Variants in CNBD2 observed in about 807,000 individuals in gnomAD.
CNBD2 encodes cyclic nucleotide binding domain containing 2, also known as cyclic nucleotide-binding domain-containing protein 2.
Under a neutral mutation model 63.7 loss-of-function variants are expected in CNBD2, and 64 were observed. That is an observed-to-expected ratio of 1.00 (90% confidence interval 0.82 to 1.24). The LOEUF is 1.24. CNBD2 is among the 50% of genes most tolerant of loss of function. CNBD2 has a pLI of 0.00. For missense variants in CNBD2, 691 were observed against 713.5 expected, an observed-to-expected ratio of 0.97 and a Z score of 0.36; for synonymous variants, 229 against 255.4, an observed-to-expected ratio of 0.90 and a Z score of 0.99.
intron 3 of CNBD2, 151 bp from the exon 4 acceptor site, chr20:35,980,307 TC>T: frequency 1.5e-6 from 1 of 663,792 alleles, no homozygotes; most frequent in African/African-American, 1.8e-5. Context: ...AAAATGTTTA[TC>T]CCAGTGCCTG....
chr20:35,976,028 G>A, intron 3 of CNBD2, 26 bp downstream of exon 3: 1 of 1,592,994 alleles, frequency 6.3e-7, no homozygotes, highest in Non-Finnish European at 8.6e-7. Context: ...AACTTGCTGT[G>A]GGGGAATTTT....
chr20:36,022,195 C>CTTTTTTTTTTTTTTTTT (rs753206662), intron 10 of CNBD2, among the ~76,000 whole-genome samples: 2 of 56,264 alleles, frequency 3.6e-5, no homozygotes, highest in Non-Finnish European at 6.6e-5. Context: ...TTTTTTTTTT[C>CTTTTTTTTTTTTTTTTT]TTTTTTTTTT....
chr20:35,957,152 C>G (rs544467133), downstream of CNBD2, among the ~76,000 whole-genome samples: 18 of 152,090 alleles, frequency 1.2e-4, no homozygotes, highest in Non-Finnish European at 2.5e-4. Context: ...CCTGAGAGAT[C>G]TATTAGAATC....
Position 35,971,216 on chromosome 20 carries a change from G to T in CNBD2, c.52-1413G>T, listed in dbSNP as rs184378254. Among the ~76,000 whole-genome samples, 899 of 152,152 alleles carry T rather than the reference G, an allele frequency of 5.9e-3. 11 individuals are homozygous for T. The highest frequency in any genetic ancestry group is 0.021 in the African/African-American group (854 of 41,516). ...CCCGCCTCGGCCTCCCAAAGTGCTGGGTTTACAGGCATGAGCCACCGGGCC... is the reference window on the plus strand; with the variant it reads ...CCCGCCTCGGCCTCCCAAAGTGCTGTGTTTACAGGCATGAGCCACCGGGCC... On this transcript the variant is annotated intron_variant, in intron 1 of 11. Transcript: ENST00000373973.
intron 2 of CNBD2, among the ~76,000 whole-genome samples, chr20:35,975,469 T>TG (rs2056500381): frequency 2.5e-5 from 3 of 120,620 alleles, no homozygotes; most frequent in East Asian, 4.5e-4. Flanking sequence ...CCCGGCTAAT[T>TG]TTTTGTATTT....
At chr20:36,011,290 G>T in intron 10 of CNBD2, 33 bp downstream of exon 10, 1 of 1,476,222 alleles carries the variant, frequency 6.8e-7, no homozygotes, top group Non-Finnish European at 9.0e-7. Flanking sequence ...TCACCATGGA[G>T]TACGTAACAT....
intron 10 of CNBD2, among the ~76,000 whole-genome samples, chr20:36,022,200 T>TCTTTTTTC (rs199719458): frequency 3.7e-4 from 39 of 106,386 alleles, no homozygotes; most frequent in East Asian, 5.3e-4. Context: ...TTTTTCTTTT[T>TCTTTTTTC]TTTTTTTTTT....
chr20:35,980,747 T>C (rs935157100), intron 4 of CNBD2, 125 bp downstream of exon 4: 2 of 838,844 alleles, frequency 2.4e-6, no homozygotes, highest in East Asian at 2.6e-5. Context: ...TGAAGTCTTC[T>C]GTCCATTCAC....
At chr20:36,009,858 T>C (rs889737482) in intron 9 of CNBD2, among the ~76,000 whole-genome samples, 1 of 152,144 alleles carries the variant, frequency 6.6e-6, no homozygotes, top group Admixed American at 6.5e-5. Flanking sequence ...CCCTTTTCTG[T>C]GCCCAGTACT....
intron 7 of CNBD2, among the ~76,000 whole-genome samples, chr20:35,990,311 G>T (rs2056727947): frequency 6.6e-6 from 1 of 152,184 alleles, no homozygotes; most frequent in African/African-American, 2.4e-5. Context: ...ACTGCAAAGA[G>T]AATGAAATCG....
intron 6 of CNBD2, among the ~76,000 whole-genome samples, 168 bp downstream of exon 6, chr20:35,984,946 C>A (rs1360170316): frequency 6.6e-6 from 1 of 152,060 alleles, no homozygotes; most frequent in East Asian, 1.9e-4. Context: ...CTCCTACTAT[C>A]CCTTCGGGTC....
rs1306471073 is a variant in CNBD2, at chr20:35,987,548, G to A, written c.855+15G>A. 2 of 1,613,960 alleles carry A rather than the reference G, an allele frequency of 1.2e-6. No homozygotes were observed. The highest frequency in any genetic ancestry group is 3.3e-5 in the Admixed American group (2 of 60,000). The stretch of plus-strand genomic sequence containing the variant: ...TTATCAGCAAGGTGAAAAGTCTGGG[G>A]GTTGGGATGAGGGTGAACCTCTGAG... On this transcript the variant is annotated intron_variant, in intron 7 of 11. Coordinates refer to ENST00000373973, the MANE Select transcript of CNBD2 (RefSeq NM_001365709.1).
chr20:35,987,549 G>T lies in CNBD2; in HGVS notation c.855+16G>T, dbSNP rs749344185. 5.0e-6 allele frequency: 8 copies of T among 1,613,940 alleles called. 1 individual carries two copies. The highest frequency in any genetic ancestry group is 4.4e-5 in the South Asian group (4 of 91,028). On this transcript the variant is annotated intron_variant, in intron 7 of 11. Transcript: ENST00000373973. ...TATCAGCAAGGTGAAAAGTCTGGGG[G>T]TTGGGATGAGGGTGAACCTCTGAGG...
chr20:36,029,831 G>A (rs1189058526), intron 11 of CNBD2, among the ~76,000 whole-genome samples: 1 of 152,046 alleles, frequency 6.6e-6, no homozygotes, highest in Non-Finnish European at 1.5e-5. Context: ...GTGGTCTCAG[G>A]AGGCCTCAGT....
At chr20:35,968,839 G>T in intron 1 of CNBD2, 26 bp downstream of exon 1, 1 of 1,584,764 alleles carries the variant, frequency 6.3e-7, no homozygotes, top group South Asian at 1.1e-5. Flanking sequence ...GGCCCTGGGA[G>T]GGAAGAGCAG....
chr20:36,006,169 C>T (rs2056982318), intron 8 of CNBD2, among the ~76,000 whole-genome samples: 1 of 151,238 alleles, frequency 6.6e-6, no homozygotes, highest in South Asian at 2.1e-4. Flanking sequence ...GCTGGGATTA[C>T]AGGCATGCAC....
chr20:35,960,065 G>A (rs986438673), downstream of CNBD2, among the ~76,000 whole-genome samples: 2 of 152,194 alleles, frequency 1.3e-5, no homozygotes, highest in African/African-American at 4.8e-5. Context: ...TGAAAAGGAA[G>A]CATTCTGATA....
chr20:36,021,227 A>G (rs1281813827), intron 10 of CNBD2, among the ~76,000 whole-genome samples: 1 of 152,206 alleles, frequency 6.6e-6, no homozygotes, highest in Non-Finnish European at 1.5e-5. Flanking sequence ...ATTCAGCCAT[A>G]AAAAGGAATG....
chr20:35,989,467 A>G (rs1260284534), intron 7 of CNBD2, among the ~76,000 whole-genome samples: 1 of 152,216 alleles, frequency 6.6e-6, no homozygotes, highest in Admixed American at 6.5e-5. Flanking sequence ...TGCAAGTTAC[A>G]AGATTTCAGG....
Sources: gnomAD v4.1 joint callset for allele counts (sites outside exome capture counted in the v4.1 genomes callset) on GRCh38, gnomAD v4.1.1 for gene constraint, MANE v1.5 for transcripts, NCBI Gene and HGNC (gene_info 2026-07-23, HGNC 2026-07-21) for gene names.